Variants in CLSTN2 observed in about 807,000 individuals in gnomAD.
CLSTN2 encodes calsyntenin-2.
Under a neutral mutation model 101.2 loss-of-function variants are expected in CLSTN2, and 48 were observed. That is an observed-to-expected ratio of 0.47 (90% CI 0.38 to 0.60). CLSTN2 has a LOEUF of 0.60. CLSTN2 is among the 20% of genes least tolerant of loss of function. CLSTN2 has a pLI of 0.00. For missense variants in CLSTN2, 1,160 were observed against 1,238.2 expected (o/e 0.94, Z 0.95); for synonymous variants, 481 against 463.6 (o/e 1.04, Z -0.48).
At position 140,498,479 on chromosome 3, in the gene CLSTN2, C is replaced by T. The variant is rs1934511376; in HGVS notation, c.1344+31748C>T. ...TGGCTATGCCCTCACCTTTCCTGCCCCAGATGGTGCCGAGCTCAGAGGGGA... is the reference window on the plus strand; with the variant it reads ...TGGCTATGCCCTCACCTTTCCTGCCTCAGATGGTGCCGAGCTCAGAGGGGA... On this transcript the variant is annotated intron_variant, in intron 8 of 16. Transcript: ENST00000458420. 2.6e-5 allele frequency among the ~76,000 whole-genome samples: 4 copies of T among 152,310 alleles called. No homozygotes were observed. The South Asian group carries it at 6.2e-4, about 24-fold the overall frequency.
At chr3:140,522,095 GT>G (rs2107774121) in intron 8 of CLSTN2, among the ~76,000 whole-genome samples, 1 of 152,336 alleles carries the variant, frequency 6.6e-6, no homozygotes, top group African/African-American at 2.4e-5. Flanking sequence ...GCAAAAATCT[GT>G]GGGAGAAGCA....
intron 1 of CLSTN2, among the ~76,000 whole-genome samples, chr3:140,065,655 T>C (rs2008286992): frequency 6.6e-6 from 1 of 152,158 alleles, no homozygotes; most frequent in Non-Finnish European, 1.5e-5. Context: ...AACTGGTCTC[T>C]AAGATACTAT....
rs2010758694 is a variant in CLSTN2, at chr3:140,204,771, G to A, written c.232+28698G>A. On this transcript the variant is annotated intron_variant, in intron 2 of 16. Transcript: ENST00000458420. Reference sequence around the variant, plus strand: ...CAACGTGAGCCTTCTTGAGGTCCTTGCCATTGCCTAGGGTCTTATTCCCCT... The same window carrying A: ...CAACGTGAGCCTTCTTGAGGTCCTTACCATTGCCTAGGGTCTTATTCCCCT... Among the ~76,000 whole-genome samples, 5 of 152,182 alleles carry A rather than the reference G, an allele frequency of 3.3e-5. No homozygotes were observed. In the South Asian group the frequency reaches 1.0e-3, roughly 32 times the overall value.
chr3:140,486,388 G>A (rs1934242327), intron 8 of CLSTN2, among the ~76,000 whole-genome samples: 1 of 152,094 alleles, frequency 6.6e-6, no homozygotes, highest in Admixed American at 6.5e-5. Flanking sequence ...ACTGTGTATT[G>A]TGGGGCATAT....
At chr3:140,083,746 T>C (rs1057402103) in intron 1 of CLSTN2, among the ~76,000 whole-genome samples, 5 of 152,210 alleles carry the variant, frequency 3.3e-5, no homozygotes, top group African/African-American at 9.6e-5. Context: ...GAGTCTTCCC[T>C]GAGCACAGCA....
chr3:140,429,872 G>A (rs1235364819), intron 5 of CLSTN2, among the ~76,000 whole-genome samples: 2 of 152,008 alleles, frequency 1.3e-5, no homozygotes, highest in East Asian at 1.9e-4. Flanking sequence ...TGGCAGTTGG[G>A]CGTGTCTGGG....
At chr3:140,043,651 G>A (rs1229666448) in intron 1 of CLSTN2, among the ~76,000 whole-genome samples, 1 of 152,108 alleles carries the variant, frequency 6.6e-6, no homozygotes, top group Non-Finnish European at 1.5e-5. Flanking sequence ...GGTTTTTATG[G>A]TTTTAGGTCT....
rs140519106 is a variant in CLSTN2 at position 140,393,473 on chromosome 3, G to A, written c.233-10156G>A. On this transcript the variant is annotated intron_variant, in intron 2 of 16. Coordinates refer to ENST00000458420, the MANE Select transcript of CLSTN2 (RefSeq NM_022131.3). ...TGTTTCTGAAACTTAACTTTAACCCGCTGAATGGAGTCTTGGGCTTCTGGG... is the reference window on the plus strand; with the variant it reads ...TGTTTCTGAAACTTAACTTTAACCCACTGAATGGAGTCTTGGGCTTCTGGG... 2.9e-3 allele frequency among the ~76,000 whole-genome samples: 437 copies of A among 152,286 alleles called. 1 individual carries two copies. Among genetic ancestry groups the A allele is most frequent in the Middle Eastern group, 0.017 (5 of 294 alleles).
chr3:140,552,393 C>A (rs1935718935), intron 10 of CLSTN2, among the ~76,000 whole-genome samples: 1 of 104,540 alleles, frequency 9.6e-6, no homozygotes. Flanking sequence ...GCTGGGAATA[C>A]CGCAGTTTAA....
intron 1 of CLSTN2, among the ~76,000 whole-genome samples, chr3:140,020,025 G>T (rs1304958280): frequency 6.6e-6 from 1 of 152,148 alleles, no homozygotes; most frequent in Admixed American, 6.5e-5. Flanking sequence ...TTTAGGAGAT[G>T]GGAGCAACTA....
chr3:140,105,069 T>G (rs1184114613), intron 1 of CLSTN2, among the ~76,000 whole-genome samples: 2 of 152,222 alleles, frequency 1.3e-5, no homozygotes, highest in African/African-American at 4.8e-5. Flanking sequence ...TTTATTCAAG[T>G]CTTGTGATAT....
At chr3:140,353,413 A>G (rs990373625) in intron 2 of CLSTN2, among the ~76,000 whole-genome samples, 1 of 152,062 alleles carries the variant, frequency 6.6e-6, no homozygotes, top group Admixed American at 6.5e-5. Context: ...TGGGAGAAAG[A>G]CGTATACTGG....
intron 2 of CLSTN2, among the ~76,000 whole-genome samples, chr3:140,249,406 C>T (rs1036575828): frequency 6.6e-6 from 1 of 152,154 alleles, no homozygotes; most frequent in African/African-American, 2.4e-5. Context: ...GCTAATCTGG[C>T]ACCATGTTGC....
chr3:140,346,333 G>A (rs1362703762), intron 2 of CLSTN2, among the ~76,000 whole-genome samples: 1 of 152,084 alleles, frequency 6.6e-6, no homozygotes, highest in Non-Finnish European at 1.5e-5. Context: ...TTTAGGAAAG[G>A]GCTACAGATA....
At chr3:140,440,381 G>C (rs2088747713) in intron 5 of CLSTN2, among the ~76,000 whole-genome samples, 2 of 152,170 alleles carry the variant, frequency 1.3e-5, no homozygotes, top group South Asian at 2.1e-4. Flanking sequence ...AAATGGAAAA[G>C]GGTCAGTAAT....
intron 2 of CLSTN2, among the ~76,000 whole-genome samples, chr3:140,263,052 A>G (rs1255953742): frequency 6.7e-6 from 1 of 149,308 alleles, no homozygotes; most frequent in Non-Finnish European, 1.5e-5. Flanking sequence ...CATCCCCCCC[A>G]AAAAAACCCC....
intron 2 of CLSTN2, among the ~76,000 whole-genome samples, chr3:140,395,273 A>T (rs2088168479): frequency 6.6e-6 from 1 of 152,176 alleles, no homozygotes; most frequent in South Asian, 2.1e-4. Context: ...GTTGAATGGG[A>T]ACCAAGGTTA....
At chr3:140,097,128 T>C (rs1429827547) in intron 1 of CLSTN2, among the ~76,000 whole-genome samples, 3 of 152,204 alleles carry the variant, frequency 2.0e-5, no homozygotes, top group Non-Finnish European at 2.9e-5. Context: ...TGGACACTTT[T>C]TGAGTATTGA....
chr3:140,045,332 C>G (rs1172740134), intron 1 of CLSTN2, among the ~76,000 whole-genome samples: 2 of 151,990 alleles, frequency 1.3e-5, no homozygotes, highest in Non-Finnish European at 2.9e-5. Flanking sequence ...GTACCATTCT[C>G]TGATGGTAAT....
Sources: gnomAD v4.1 joint callset for allele counts (sites outside exome capture counted in the v4.1 genomes callset) on GRCh38, gnomAD v4.1.1 for gene constraint, MANE v1.5 for transcripts, NCBI Gene and HGNC (gene_info 2026-07-23, HGNC 2026-07-21) for gene names.